Variants in MAST4 observed in about 807,000 individuals in gnomAD.
MAST4 encodes microtubule associated serine/threonine kinase family member 4, also known as microtubule-associated serine/threonine-protein kinase 4.
Under a neutral mutation model 162.7 loss-of-function variants are expected in MAST4, and 89 were observed. The ratio of observed to expected loss-of-function variants is 0.55; its 90% CI spans 0.46 to 0.65. The LOEUF is 0.65. Among genes scored for constraint, MAST4 ranks in the 30% least tolerant of loss-of-function variants. The pLI, the probability that MAST4 is intolerant of heterozygous loss-of-function variation, is 0.00. For missense variants in MAST4, 3,153 were observed against 3,374.0 expected, an observed-to-expected ratio of 0.93 and a Z score of 1.62; for synonymous variants, 1,479 against 1,361.1, an observed-to-expected ratio of 1.09 and a Z score of -1.91.
At chr5:66,804,102 ATAT>A (rs1299357639) in intron 3 of MAST4, among the ~76,000 whole-genome samples, 1 of 152,188 alleles carries the variant, frequency 6.6e-6, no homozygotes, top group Non-Finnish European at 1.5e-5. Context: ...TGTTTATATA[ATAT>A]TTTCATGCAT....
At chr5:66,709,944 C>T (rs1750389587) in intron 1 of MAST4, among the ~76,000 whole-genome samples, 1 of 152,188 alleles carries the variant, frequency 6.6e-6, no homozygotes, top group South Asian at 2.1e-4. Context: ...TTAGGACTGG[C>T]TGTCTCCTTT....
chr5:66,870,722 C>T, intron 3 of MAST4: 1 of 468,136 alleles, frequency 2.1e-6, no homozygotes, highest in Non-Finnish European at 4.4e-6. Flanking sequence ...TCATCCCACA[C>T]CCCACCTTCT....
chr5:66,694,801 T>G lies in MAST4; in HGVS notation c.364-64908T>G, dbSNP rs116179894. Among the ~76,000 whole-genome samples, 1,041 of 152,324 alleles carry G rather than the reference T, an allele frequency of 6.8e-3. 13 individuals carry two copies. The highest frequency in any genetic ancestry group is 0.024 in the African/African-American group (1,000 of 41,570). Reference sequence around the variant, plus strand: ...CACGCCCAGCCAATCTTGAGCTTTTTCTCACATGTTTTTGGCTGCATAAAT... The same window carrying G: ...CACGCCCAGCCAATCTTGAGCTTTTGCTCACATGTTTTTGGCTGCATAAAT... On this transcript the variant is annotated intron_variant, in intron 1 of 28. Coordinates refer to ENST00000403625, the MANE Select transcript of MAST4 (RefSeq NM_001164664.2).
At chr5:67,026,530 A>C (rs1021394475) in intron 4 of MAST4, among the ~76,000 whole-genome samples, 1 of 152,226 alleles carries the variant, frequency 6.6e-6, no homozygotes, top group Non-Finnish European at 1.5e-5. Context: ...CTTTGTAAAC[A>C]TGGAATTATT....
chr5:66,892,207 T>C (rs1291903481), intron 3 of MAST4, among the ~76,000 whole-genome samples: 2 of 152,362 alleles, frequency 1.3e-5, no homozygotes, highest in Middle Eastern at 3.4e-3. Context: ...AGCTTATCCT[T>C]GAGATTGAAG....
chr5:66,788,372 A>G (rs1209746286), intron 2 of MAST4, among the ~76,000 whole-genome samples: 1 of 152,130 alleles, frequency 6.6e-6, no homozygotes, highest in African/African-American at 2.4e-5. Context: ...GTACTTATAT[A>G]TATTCTCAAC....
intron 4 of MAST4, among the ~76,000 whole-genome samples, chr5:66,999,038 C>G (rs1750980524): frequency 6.6e-6 from 1 of 152,214 alleles, no homozygotes; most frequent in Admixed American, 6.5e-5. Flanking sequence ...AATTGGATTA[C>G]TGGCTTGGGT....
chr5:66,848,044 T>C (rs1759015535), intron 3 of MAST4, among the ~76,000 whole-genome samples: 1 of 152,062 alleles, frequency 6.6e-6, no homozygotes, highest in Non-Finnish European at 1.5e-5. Flanking sequence ...GATAAATCCT[T>C]TATATTGTTT....
At chr5:66,841,017 A>T (rs1758386119) in intron 3 of MAST4, among the ~76,000 whole-genome samples, 3 of 152,142 alleles carry the variant, frequency 2.0e-5, no homozygotes, top group Non-Finnish European at 4.4e-5. Context: ...TTGGCCCACC[A>T]CTTATTGGCT....
At chr5:66,597,260 A>G (rs1281878386) in intron 1 of MAST4, among the ~76,000 whole-genome samples, 1 of 152,152 alleles carries the variant, frequency 6.6e-6, no homozygotes, top group African/African-American at 2.4e-5. Context: ...GTGTTTTTAA[A>G]ATGTCAGAGA....
intron 1 of MAST4, among the ~76,000 whole-genome samples, chr5:66,667,949 A>T (rs1747367120): frequency 6.6e-6 from 1 of 152,202 alleles, no homozygotes. Context: ...CGCATTTTGA[A>T]GTTTGCCTTA....
chr5:66,969,988 A>G (rs1353871248), intron 4 of MAST4, among the ~76,000 whole-genome samples: 2 of 152,136 alleles, frequency 1.3e-5, no homozygotes, highest in African/African-American at 4.8e-5. Flanking sequence ...AATTCCTGGA[A>G]TTTTATTTCT....
At chr5:66,793,122 T>A (rs1250084315) in intron 3 of MAST4, among the ~76,000 whole-genome samples, 4 of 152,268 alleles carry the variant, frequency 2.6e-5, no homozygotes, top group Non-Finnish European at 5.9e-5. Context: ...AAGGTATTGC[T>A]AACTACCTTC....
At chr5:67,026,324 C>G (rs1467841393) in intron 4 of MAST4, among the ~76,000 whole-genome samples, 1 of 152,176 alleles carries the variant, frequency 6.6e-6, no homozygotes, top group Admixed American at 6.5e-5. Flanking sequence ...GTGCCACTTG[C>G]CTACCACAAC....
At chr5:67,073,723 C>T (rs529827972) in intron 5 of MAST4, among the ~76,000 whole-genome samples, 19 of 152,284 alleles carry the variant, frequency 1.2e-4, no homozygotes, top group African/African-American at 4.6e-4. Flanking sequence ...GAAAACATCA[C>T]AAACCACTGC....
intron 3 of MAST4, among the ~76,000 whole-genome samples, chr5:66,795,837 C>T (rs1388721343): frequency 5.9e-5 from 9 of 152,162 alleles, no homozygotes; most frequent in Admixed American, 5.9e-4. Flanking sequence ...TTCCACAGCT[C>T]AGAATTTTTT....
intron 4 of MAST4, among the ~76,000 whole-genome samples, chr5:66,965,615 C>G (rs1368830817): frequency 7.0e-6 from 1 of 143,156 alleles, no homozygotes. Flanking sequence ...AGGATAAAAC[C>G]AGACAGAGAA....
chr5:67,147,575 G>C (rs987381179), intron 23 of MAST4, among the ~76,000 whole-genome samples: 1 of 152,196 alleles, frequency 6.6e-6, no homozygotes, highest in Non-Finnish European at 1.5e-5. Flanking sequence ...TGAAGTCTTA[G>C]ATGTAGGGGT....
intron 4 of MAST4, among the ~76,000 whole-genome samples, chr5:66,961,640 T>C (rs542834748): frequency 2.0e-4 from 31 of 152,386 alleles, no homozygotes; most frequent in South Asian, 1.7e-3. Context: ...TTTTTGTTTT[T>C]TCTTTTTTCA....
Sources: gnomAD v4.1 joint callset for allele counts (sites outside exome capture counted in the v4.1 genomes callset) on GRCh38, gnomAD v4.1.1 for gene constraint, MANE v1.5 for transcripts, NCBI Gene and HGNC (gene_info 2026-07-23, HGNC 2026-07-21) for gene names.